The following SLMAP variants were observed in gnomAD, a reference collection of about 807,000 sequenced individuals.
SLMAP encodes the protein sarcolemmal membrane-associated protein.
In SLMAP, 44 loss-of-function variants were observed where a neutral mutation model predicts 128.8. That is an observed-to-expected ratio of 0.34 (90% CI 0.27 to 0.44). The LOEUF is 0.44. Ranked by LOEUF, SLMAP falls within the 20% of genes least tolerant of loss-of-function variation. The pLI is 1.00. For missense variants in SLMAP, 787 were observed against 985.3 expected, an observed-to-expected ratio of 0.80 and a Z score of 2.69; for synonymous variants, 327 against 348.8, an observed-to-expected ratio of 0.94 and a Z score of 0.70.
intron 21 of SLMAP, among the ~76,000 whole-genome samples, chr3:57,915,927 C>G (rs571847201): frequency 3.1e-4 from 47 of 152,134 alleles, no homozygotes; most frequent in African/African-American, 1.1e-3. Context: ...GAGGCCGAAG[C>G]AGGCAGATCA....
At chr3:57,777,748 GAATA>G (rs1225126647) in intron 2 of SLMAP, among the ~76,000 whole-genome samples, 1 of 152,138 alleles carries the variant, frequency 6.6e-6, no homozygotes, top group Non-Finnish European at 1.5e-5. Flanking sequence ...GAATTTCACC[GAATA>G]AATAAGATGC....
rs565556286 is a variant in SLMAP at position 57,885,505 on chromosome 3, C to T, written c.1301-4536C>T. Among the ~76,000 whole-genome samples the T allele has an allele frequency of 2.4e-3, 340 of 144,066 alleles. 1 individual carries two copies. The highest frequency in any genetic ancestry group is 7.9e-3 in the African/African-American group (311 of 39,220). The allele number at this position is 144,066 out of a possible 152,430, so 94.5% of individuals were successfully genotyped here. ...TGCGATCTCGGCTCACCACAACCTC[C>T]ACCACCCGGGTTCAAGCGATTCTCC... On this transcript the variant is annotated intron_variant, in intron 14 of 24. Transcript: ENST00000671191.
At chr3:57,813,598 T>C (rs896673901) in intron 2 of SLMAP, among the ~76,000 whole-genome samples, 1 of 152,212 alleles carries the variant, frequency 6.6e-6, no homozygotes, top group Non-Finnish European at 1.5e-5. Context: ...TTTATTTTTG[T>C]CATTTTCTAA....
At chr3:57,825,016 AAATGG>A (rs1288345916) in intron 2 of SLMAP, among the ~76,000 whole-genome samples, 1 of 152,168 alleles carries the variant, frequency 6.6e-6, no homozygotes, top group Non-Finnish European at 1.5e-5. Flanking sequence ...TTCTAGATGG[AAATGG>A]AATTGTCTTC....
intron 2 of SLMAP, among the ~76,000 whole-genome samples, chr3:57,810,406 A>G (rs1291348687): frequency 6.6e-6 from 1 of 152,132 alleles, no homozygotes; most frequent in Non-Finnish European, 1.5e-5. Context: ...AGCAAAACTC[A>G]GGCAAGGGCA....
At chr3:57,830,155 C>T (rs1435445715) in intron 2 of SLMAP, among the ~76,000 whole-genome samples, 1 of 152,198 alleles carries the variant, frequency 6.6e-6, no homozygotes, top group Non-Finnish European at 1.5e-5. Flanking sequence ...CTGCCTCAGC[C>T]TCCCAAGTAG....
chr3:57,863,044 A>G (rs977017305), intron 10 of SLMAP, among the ~76,000 whole-genome samples: 1 of 152,214 alleles, frequency 6.6e-6, no homozygotes, highest in African/African-American at 2.4e-5. Flanking sequence ...AGATGTTTTA[A>G]AACCTAAAAC....
At chr3:57,922,711 G>C (rs1297652698) in intron 22 of SLMAP, among the ~76,000 whole-genome samples, 178 bp from the exon 23 acceptor site, 2 of 152,200 alleles carry the variant, frequency 1.3e-5, no homozygotes, top group African/African-American at 2.4e-5. Flanking sequence ...ACAGGCGTGA[G>C]CCACTGCGCC....
chr3:57,877,708 T>A lies in SLMAP; in HGVS notation c.1300+6010T>A, dbSNP rs571739553. ...TGCCCAGGTGACAATCTTAAGTACA[T>A]GCCAGTGGTGTTTTGGTATGTGTAC... On this transcript the variant is annotated intron_variant, in intron 14 of 24. Coordinates refer to ENST00000671191, the MANE Select transcript of SLMAP (RefSeq NM_001377540.1). Among the ~76,000 whole-genome samples the A allele has an allele frequency of 2.0e-5, 3 of 152,250 alleles. No individual in the cohort carries two copies. In the South Asian group the frequency reaches 6.2e-4, roughly 32 times the overall value.
chr3:57,910,012 G>A (rs2096656643), intron 19 of SLMAP, among the ~76,000 whole-genome samples: 1 of 151,880 alleles, frequency 6.6e-6, no homozygotes, highest in South Asian at 2.1e-4. Flanking sequence ...ATTTGGAGTT[G>A]GTAAGACTGT....
At chr3:57,802,317 G>T (rs1048035904) in intron 2 of SLMAP, among the ~76,000 whole-genome samples, 13 of 150,866 alleles carry the variant, frequency 8.6e-5, no homozygotes, top group Admixed American at 2.0e-4. Flanking sequence ...TACTTTTTCT[G>T]CCCAGGCTGG....
chr3:57,795,554 GA>G (rs1418692648), intron 2 of SLMAP, among the ~76,000 whole-genome samples: 3 of 152,040 alleles, frequency 2.0e-5, no homozygotes, highest in Non-Finnish European at 4.4e-5. Flanking sequence ...AAGAAAAAAA[GA>G]AAAGAAAAAT....
intron 2 of SLMAP, among the ~76,000 whole-genome samples, chr3:57,791,315 G>GCAC (rs2085400214): frequency 6.6e-6 from 1 of 151,460 alleles, no homozygotes; most frequent in South Asian, 2.1e-4. Context: ...AGCCGAGACT[G>GCAC]CACCACTGCA....
At chr3:57,828,762 T>C (rs1013353596) in intron 2 of SLMAP, among the ~76,000 whole-genome samples, 9 of 152,094 alleles carry the variant, frequency 5.9e-5, no homozygotes, top group African/African-American at 2.2e-4. Context: ...GAAAAGAACC[T>C]GGGTTGATAT....
chr3:57,862,027 T>G lies in SLMAP; in HGVS notation c.907T>G (p.Leu303Val), dbSNP rs767536802. ...AAGGACTCAGGAAGAATTAAGAGAA[T>G]TAGCCAACAAATATAATGGAGCAGT... is the stretch of plus-strand genomic sequence containing the variant. ...NERTQEELRE[L>V]ANKYNGAVNE... Residue 303 changes from leucine to valine, a missense_variant, in exon 10 of 25, where the codon TTA becomes GTA. Transcript: ENST00000671191. 6.9e-6 allele frequency: 11 copies of G among 1,600,954 alleles called. No individual in the cohort carries two copies. The South Asian group carries it at 9.9e-5, about 14-fold the overall frequency.
intron 2 of SLMAP, among the ~76,000 whole-genome samples, chr3:57,763,242 C>T (rs1266189882): frequency 1.3e-5 from 2 of 150,358 alleles, no homozygotes; most frequent in African/African-American, 4.9e-5. Flanking sequence ...TAGTTGTCTA[C>T]TTCTAGTCTC....
At chr3:57,889,428 A>G (rs2096000555) in intron 14 of SLMAP, among the ~76,000 whole-genome samples, 1 of 152,246 alleles carries the variant, frequency 6.6e-6, no homozygotes, top group African/African-American at 2.4e-5. Flanking sequence ...ACTGACATAC[A>G]GGAGTAAATA....
At chr3:57,844,623 G>C (rs768868002) in intron 4 of SLMAP, among the ~76,000 whole-genome samples, 4 of 151,294 alleles carry the variant, frequency 2.6e-5, no homozygotes, top group Non-Finnish European at 5.9e-5. Flanking sequence ...TTATTAATGG[G>C]ATTGTTATGA....
chr3:57,927,290 A>G lies in SLMAP; in HGVS notation c.*7-6A>G. ...TGATATTGACTCTTGGTTTCTTTCCACACAGAAACCCTGGCCCTGGATGCC... is the reference window on the plus strand; with the variant it reads ...TGATATTGACTCTTGGTTTCTTTCCGCACAGAAACCCTGGCCCTGGATGCC... On this transcript the variant is annotated splice_region_variant and splice_polypyrimidine_tract_variant and intron_variant, in intron 24 of 24. Coordinates refer to ENST00000671191, the MANE Select transcript of SLMAP (RefSeq NM_001377540.1). The G allele has an allele frequency of 6.3e-7, 1 of 1,596,636 alleles. No homozygotes were observed. Among genetic ancestry groups the G allele is most frequent in the South Asian group, 1.1e-5 (1 of 89,180 alleles).
Sources: allele counts gnomAD v4.1 joint callset (sites outside exome capture counted in the v4.1 genomes callset), GRCh38; gene constraint gnomAD v4.1.1; transcripts MANE v1.5; gene names NCBI Gene and HGNC (gene_info 2026-07-23, HGNC 2026-07-21).